SLC35F1: variants seen among roughly 807,000 people sequenced by gnomAD.
SLC35F1 encodes the protein solute carrier family 35 member F1.
SLC35F1 carries 14 observed loss-of-function variants against 48.7 expected under a neutral mutation model. That is an observed-to-expected ratio of 0.29 (90% CI 0.19 to 0.45). The LOEUF (loss-of-function observed/expected upper bound fraction) is 0.45. SLC35F1 is among the 20% of genes least tolerant of loss of function. SLC35F1 has a pLI of 1.00. For missense variants in SLC35F1, 404 were observed against 500.0 expected (o/e 0.81, Z 1.83); for synonymous variants, 190 against 202.2 (o/e 0.94, Z 0.51).
chr6:118,147,476 G>A (rs1361083444), intron 1 of SLC35F1, among the ~76,000 whole-genome samples: 6 of 152,180 alleles, frequency 3.9e-5, no homozygotes, highest in Admixed American at 2.6e-4. Flanking sequence ...ACTGGAGATA[G>A]GTGAGATCAA....
chr6:118,026,639 CT>C (rs1562267885), intron 1 of SLC35F1, among the ~76,000 whole-genome samples: 1 of 152,050 alleles, frequency 6.6e-6, no homozygotes, highest in African/African-American at 2.4e-5. Context: ...CAATCTTAAA[CT>C]TGTTTTTATT....
intron 1 of SLC35F1, among the ~76,000 whole-genome samples, chr6:118,081,427 T>A (rs1365295169): frequency 2.0e-5 from 3 of 151,892 alleles, no homozygotes; most frequent in Non-Finnish European, 4.4e-5. Flanking sequence ...GACCAGAAGT[T>A]TGGGACCAGC....
chr6:118,187,416 G>A (rs1292920271), intron 2 of SLC35F1, among the ~76,000 whole-genome samples: 1 of 152,184 alleles, frequency 6.6e-6, no homozygotes, highest in East Asian at 1.9e-4. Context: ...AGTTCTCTGA[G>A]CAGATAAGTG....
chr6:117,986,617 C>T (rs1328144189), intron 1 of SLC35F1, among the ~76,000 whole-genome samples: 1 of 152,178 alleles, frequency 6.6e-6, no homozygotes, highest in Non-Finnish European at 1.5e-5. Flanking sequence ...TCTGAGGGCC[C>T]TTTGCCTCTG....
chr6:118,314,245 T>G lies in SLC35F1; in HGVS notation c.1220T>G (p.Val407Gly). Residue 407 changes from valine (V) to glycine (G), a missense_variant, in exon 8 of 8, where the codon GTG becomes GGG. Physicochemically the swap from Val to Gly is moderately radical, Grantham distance 109 (BLOSUM62 -3). Transcript: ENST00000360388. ...ACCGAAGAGGAGCCTCATGTTCGTG[T>G]GGCCTAGGGTGAGGCCCGCCCTGCC... The part of the protein sequence containing the change: ...QETEEEPHVR[V>G]A 1 of 1,614,172 alleles carries G rather than the reference T, an allele frequency of 6.2e-7. No homozygotes were observed. The highest frequency in any genetic ancestry group is 8.5e-7 in the Non-Finnish European group (1 of 1,180,002).
At chr6:117,975,339 A>G (rs1562252816) in intron 1 of SLC35F1, among the ~76,000 whole-genome samples, 1 of 152,240 alleles carries the variant, frequency 6.6e-6, no homozygotes, top group African/African-American at 2.4e-5. Flanking sequence ...ATAAATGCTT[A>G]AAGACAATGT....
At chr6:117,920,970 A>G (rs1175239843) in intron 1 of SLC35F1, among the ~76,000 whole-genome samples, 4 of 152,142 alleles carry the variant, frequency 2.6e-5, no homozygotes, top group African/African-American at 7.2e-5. Flanking sequence ...TTATTTCTCA[A>G]ATAATGAATA....
intron 2 of SLC35F1, among the ~76,000 whole-genome samples, chr6:118,191,476 T>TC (rs1238652038): frequency 6.6e-6 from 1 of 152,198 alleles, no homozygotes; most frequent in African/African-American, 2.4e-5. Context: ...GGATACCATC[T>TC]CCCTGGTTAG....
intron 1 of SLC35F1, among the ~76,000 whole-genome samples, chr6:117,982,033 G>T (rs1045329395): frequency 6.6e-6 from 1 of 152,016 alleles, no homozygotes. Context: ...CCATGCTTAT[G>T]CTTTTAAGAA....
chr6:117,931,236 A>G (rs897351388), intron 1 of SLC35F1, among the ~76,000 whole-genome samples: 1 of 152,202 alleles, frequency 6.6e-6, no homozygotes, highest in Non-Finnish European at 1.5e-5. Flanking sequence ...CATTGCAAAA[A>G]TAAAGAAATA....
intron 2 of SLC35F1, among the ~76,000 whole-genome samples, chr6:118,225,816 C>CA (rs1775208291): frequency 6.8e-6 from 1 of 147,862 alleles, no homozygotes; most frequent in Admixed American, 6.9e-5. Flanking sequence ...GTGGAGCTTG[C>CA]AGTGAGCCGA....
chr6:118,309,911 G>A (rs1776353805), intron 7 of SLC35F1, among the ~76,000 whole-genome samples: 1 of 152,140 alleles, frequency 6.6e-6, no homozygotes. Flanking sequence ...TTGTGTCTCA[G>A]TCAGATTGTT....
chr6:117,999,712 AAAG>A (rs1221708721), intron 1 of SLC35F1, among the ~76,000 whole-genome samples: 1 of 152,070 alleles, frequency 6.6e-6, no homozygotes, highest in Non-Finnish European at 1.5e-5. Context: ...CAAGACTAAT[AAAG>A]AAGAAAAGAG....
At chr6:118,038,527 CATTT>C (rs144382210) in intron 1 of SLC35F1, among the ~76,000 whole-genome samples, 26,048 of 151,672 alleles carry the variant, frequency 0.17, 2,473 homozygotes, top group Admixed American at 0.28. Flanking sequence ...GGTGTCTTTC[CATTT>C]ATTTATGTAT....
intron 1 of SLC35F1, among the ~76,000 whole-genome samples, chr6:118,102,964 A>G (rs1239971099): frequency 2.0e-5 from 3 of 150,880 alleles, no homozygotes; most frequent in African/African-American, 7.5e-5. Flanking sequence ...TGGAGTAAGT[A>G]TTGCATATCT....
At chr6:117,980,584 A>G (rs749879239) in intron 1 of SLC35F1, among the ~76,000 whole-genome samples, 4 of 152,304 alleles carry the variant, frequency 2.6e-5, no homozygotes, top group Non-Finnish European at 5.9e-5. Flanking sequence ...AGTACCCTAT[A>G]TCCTTGGCAC....
chr6:118,016,201 A>G (rs1412082486), intron 1 of SLC35F1, among the ~76,000 whole-genome samples: 1 of 152,158 alleles, frequency 6.6e-6, no homozygotes, highest in East Asian at 1.9e-4. Flanking sequence ...GCTGTATTTT[A>G]TAGGAGTTCT....
intron 2 of SLC35F1, among the ~76,000 whole-genome samples, chr6:118,186,688 G>A (rs1299087014): frequency 6.6e-6 from 1 of 152,180 alleles, no homozygotes; most frequent in Non-Finnish European, 1.5e-5. Context: ...TTATTTGCTA[G>A]ATACCAAGCT....
intron 2 of SLC35F1, among the ~76,000 whole-genome samples, chr6:118,222,126 A>G (rs938216383): frequency 4.6e-5 from 7 of 152,162 alleles, no homozygotes; most frequent in Non-Finnish European, 8.8e-5. Context: ...GGTTTAATGC[A>G]CACATATCCC....
Sources: allele counts gnomAD v4.1 joint callset (sites outside exome capture counted in the v4.1 genomes callset), GRCh38; gene constraint gnomAD v4.1.1; transcripts MANE v1.5; gene names NCBI Gene and HGNC (gene_info 2026-07-23, HGNC 2026-07-21).